Variants in BCL7C observed in about 807,000 individuals in gnomAD.
BCL7C encodes the protein BAF chromatin remodeling complex subunit BCL7C.
BCL7C carries 8 observed loss-of-function variants against 26.2 expected under a neutral mutation model. The ratio of observed to expected loss-of-function variants is 0.30; its 90% CI spans 0.18 to 0.55. BCL7C has a LOEUF of 0.55. Among genes scored for constraint, BCL7C ranks in the 20% least tolerant of loss-of-function variants. The pLI is 0.93. For synonymous variants in BCL7C, 90 were observed against 116.5 expected (o/e 0.77, Z 1.47); for missense variants, 262 against 298.5 (o/e 0.88, Z 0.90).
At chr16:30,851,047 GA>G (rs1465411692) in intron 5 of BCL7C, among the ~76,000 whole-genome samples, 1 of 151,898 alleles carries the variant, frequency 6.6e-6, no homozygotes. Context: ...TTTCCAATAA[GA>G]AATAAGTTTG....
intron 5 of BCL7C, among the ~76,000 whole-genome samples, chr16:30,863,147 T>A (rs1329408153): frequency 6.6e-6 from 1 of 152,098 alleles, no homozygotes; most frequent in African/African-American, 2.4e-5. Context: ...CATATTTCCT[T>A]CTTTCCTGTT....
At chr16:30,889,061 G>A in intron 4 of BCL7C, 116 bp from the exon 5 acceptor site, 1 of 984,772 alleles carries the variant, frequency 1.0e-6, no homozygotes, top group Middle Eastern at 2.1e-4. Context: ...GGCCATGGGA[G>A]CAGAGAGGAG....
intron 5 of BCL7C, among the ~76,000 whole-genome samples, chr16:30,835,443 C>T (rs561985402): frequency 1.3e-5 from 2 of 152,248 alleles, no homozygotes; most frequent in South Asian, 4.2e-4. Context: ...AGCTCTAAGA[C>T]GGAGATAACC....
intron 5 of BCL7C, chr16:30,875,380 C>A (rs2054932066): frequency 6.6e-6 from 1 of 152,668 alleles, no homozygotes. Flanking sequence ...CGCGCCCCAA[C>A]CGGAAGTCCG....
Position 30,892,784 on chromosome 16 carries a change from C to T in BCL7C, c.281-37G>A, listed in dbSNP as rs371509152. On this transcript the variant is annotated intron_variant, in intron 3 of 5. Coordinates refer to ENST00000215115, the MANE Select transcript of BCL7C (RefSeq NM_004765.4). ...AGAGCCGAGATGGTTGGCCTGAGAT[C>T]CCTAGTACACTCCTTCAGTCCCCAC... The T allele has an allele frequency of 2.1e-5, 34 of 1,614,058 alleles. No individual in the cohort carries two copies. The African/African-American group carries it at 4.3e-4, about 20-fold the overall frequency.
At chr16:30,840,560 G>C (rs2054595887) in intron 5 of BCL7C, 1 of 152,306 alleles carries the variant, frequency 6.6e-6, no homozygotes, top group Non-Finnish European at 1.5e-5. Flanking sequence ...TCAAGGTCTA[G>C]TACTACCTGT....
chr16:30,868,552 G>A (rs943988731), intron 5 of BCL7C, among the ~76,000 whole-genome samples: 9 of 151,842 alleles, frequency 5.9e-5, no homozygotes, highest in Admixed American at 2.6e-4. Context: ...TTGGGAGGCC[G>A]AGGTGGGCAG....
At chr16:30,860,449 G>A (rs141736605) in intron 5 of BCL7C, among the ~76,000 whole-genome samples, 41 of 152,134 alleles carry the variant, frequency 2.7e-4, no homozygotes, top group Non-Finnish European at 5.1e-4. Context: ...GCAAGCTTCC[G>A]CCCTCCATTC....
At chr16:30,852,903 T>G (rs2054688698) in intron 5 of BCL7C, among the ~76,000 whole-genome samples, 1 of 149,736 alleles carries the variant, frequency 6.7e-6, no homozygotes, top group African/African-American at 2.5e-5. Flanking sequence ...TTTCCTTTCT[T>G]TATATCCTTA....
At chr16:30,887,743 C>T, downstream of BCL7C, 1 of 1,440,172 alleles carries the variant, frequency 6.9e-7, no homozygotes, top group South Asian at 1.5e-5. Flanking sequence ...TGAGACAAAA[C>T]TGTCTCCAAA....
In BCL7C at chr16:30,888,721, A is replaced by C. The variant is rs937013058; in HGVS notation, c.528+139T>G. On this transcript the variant is annotated intron_variant, in intron 5 of 5. Transcript: ENST00000215115. ...ACACCCTTTCTTTTTCAGTCCCAAG[A>C]ACCCAGCCCCTAAGCCTTCAGCTCT... is the stretch of plus-strand genomic sequence containing the variant. The C allele has an allele frequency of 5.4e-5, 38 of 702,302 alleles. No homozygotes were observed. In the East Asian group the frequency reaches 1.1e-3, roughly 20 times the overall value. The allele number at this position is 702,302 out of a possible 1,614,324, so 43.5% of individuals were successfully genotyped here.
At chr16:30,874,508 T>A (rs2054918152) in intron 5 of BCL7C, among the ~76,000 whole-genome samples, 1 of 151,878 alleles carries the variant, frequency 6.6e-6, no homozygotes, top group Non-Finnish European at 1.5e-5. Context: ...TCCCAGACAC[T>A]CCTGAGGTTG....
At chr16:30,853,977 C>T (rs374092831) in intron 5 of BCL7C, among the ~76,000 whole-genome samples, 13 of 152,252 alleles carry the variant, frequency 8.5e-5, no homozygotes, top group East Asian at 5.8e-4. Context: ...GCATTCATAC[C>T]GCATGGTGAC....
chr16:30,872,941 C>T (rs1442690530), intron 5 of BCL7C, among the ~76,000 whole-genome samples: 1 of 152,192 alleles, frequency 6.6e-6, no homozygotes. Context: ...ACCTGGAGAA[C>T]CGTAAATCAG....
intron 5 of BCL7C, among the ~76,000 whole-genome samples, chr16:30,845,976 G>A (rs1006832368): frequency 1.3e-5 from 2 of 151,246 alleles, no homozygotes; most frequent in African/African-American, 4.9e-5. Flanking sequence ...ATGGTGGCAG[G>A]TGCCTGTAGT....
intron 4 of BCL7C, among the ~76,000 whole-genome samples, chr16:30,891,172 A>G (rs1437814244): frequency 6.6e-6 from 1 of 150,432 alleles, no homozygotes; most frequent in African/African-American, 2.4e-5. Flanking sequence ...TCATCTCAAA[A>G]AAAAAAAAAA....
intron 5 of BCL7C, among the ~76,000 whole-genome samples, chr16:30,851,017 C>G (rs1050353615): frequency 5.3e-5 from 8 of 152,138 alleles, no homozygotes; most frequent in African/African-American, 1.9e-4. Context: ...AAAATAGGAA[C>G]CAGTACAAAC....
intron 5 of BCL7C, among the ~76,000 whole-genome samples, chr16:30,874,901 C>A (rs1198572603): frequency 6.6e-6 from 1 of 152,180 alleles, no homozygotes; most frequent in African/African-American, 2.4e-5. Context: ...GGTGGAGGCC[C>A]GGAGCAGAAC....
At chr16:30,872,663 T>C (rs1299548002) in intron 5 of BCL7C, among the ~76,000 whole-genome samples, 1 of 152,152 alleles carries the variant, frequency 6.6e-6, no homozygotes, top group Non-Finnish European at 1.5e-5. Context: ...TGCCCGCATG[T>C]TTTGGGTAGT....
Sources: gnomAD v4.1 joint callset for allele counts (sites outside exome capture counted in the v4.1 genomes callset) on GRCh38, gnomAD v4.1.1 for gene constraint, MANE v1.5 for transcripts, NCBI Gene and HGNC (gene_info 2026-07-23, HGNC 2026-07-21) for gene names.